The following NOL4 variants were observed in gnomAD, a reference collection of about 807,000 sequenced individuals.
NOL4 encodes the protein cancer/testis antigen 125.
Under a neutral mutation model 75.9 loss-of-function variants are expected in NOL4, and 17 were observed. The ratio of observed to expected loss-of-function variants is 0.22; its 90% CI spans 0.15 to 0.34. The LOEUF (loss-of-function observed/expected upper bound fraction) is 0.34. Ranked by LOEUF, NOL4 falls within the 10% of genes least tolerant of loss-of-function variation. NOL4 has a pLI of 1.00. For synonymous variants in NOL4, 292 were observed against 289.9 expected (o/e 1.01, Z -0.07); for missense variants, 614 against 793.5 (o/e 0.77, Z 2.72).
At chr18:34,177,500 T>A (rs932959952) in intron 1 of NOL4, among the ~76,000 whole-genome samples, 3 of 151,964 alleles carry the variant, frequency 2.0e-5, no homozygotes, top group African/African-American at 7.2e-5. Flanking sequence ...CTGATATGGT[T>A]TAGCATGAAA....
At chr18:34,128,706 G>C (rs1299717316) in intron 2 of NOL4, 1 of 176,818 alleles carries the variant, frequency 5.7e-6, no homozygotes, top group African/African-American at 2.4e-5. Context: ...CAAAACCATA[G>C]AGGAGGAGGG....
intron 6 of NOL4, among the ~76,000 whole-genome samples, chr18:33,999,973 T>G (rs2073579026): frequency 6.6e-6 from 1 of 152,022 alleles, no homozygotes; most frequent in African/African-American, 2.4e-5. Context: ...AATTGATAAT[T>G]TTTCCTTCTG....
chr18:34,020,535 A>C (rs1220300535), intron 5 of NOL4, among the ~76,000 whole-genome samples: 1 of 152,214 alleles, frequency 6.6e-6, no homozygotes, highest in Non-Finnish European at 1.5e-5. Context: ...CATTGTGTGT[A>C]TCTCTTTGTA....
At chr18:33,988,812 G>T (rs2072686909) in intron 6 of NOL4, among the ~76,000 whole-genome samples, 1 of 151,788 alleles carries the variant, frequency 6.6e-6, no homozygotes, top group African/African-American at 2.4e-5. Context: ...GGCCTTGAAA[G>T]CCTCTATATT....
At chr18:34,046,572 C>A (rs2076372770) in intron 5 of NOL4, among the ~76,000 whole-genome samples, 1 of 132,230 alleles carries the variant, frequency 7.6e-6, no homozygotes, top group South Asian at 2.4e-4. Flanking sequence ...TTGGCTAAGT[C>A]CCTGACCATT....
chr18:34,157,425 G>C (rs2030624684), intron 1 of NOL4, among the ~76,000 whole-genome samples: 1 of 152,084 alleles, frequency 6.6e-6, no homozygotes, highest in Non-Finnish European at 1.5e-5. Flanking sequence ...TAGGAAAATA[G>C]TTCAGTGAGT....
intron 1 of NOL4, among the ~76,000 whole-genome samples, chr18:34,210,067 C>T (rs2036410691): frequency 1.3e-5 from 2 of 152,232 alleles, no homozygotes; most frequent in South Asian, 4.1e-4. Context: ...GCTGTTCAGT[C>T]ACAAGAAGTT....
intron 1 of NOL4, among the ~76,000 whole-genome samples, chr18:34,164,759 A>C (rs2032080611): frequency 6.6e-6 from 1 of 151,898 alleles, no homozygotes; most frequent in African/African-American, 2.4e-5. Context: ...CCAAAGGACT[A>C]TAAATCATGC....
chr18:33,981,281 C>A (rs888010518), intron 6 of NOL4, among the ~76,000 whole-genome samples: 2 of 139,750 alleles, frequency 1.4e-5, no homozygotes, highest in Non-Finnish European at 3.2e-5. Flanking sequence ...ATCTTTGAAG[C>A]AATGACTGAA....
intron 5 of NOL4, among the ~76,000 whole-genome samples, chr18:34,056,312 A>G (rs904217205): frequency 3.3e-5 from 5 of 152,102 alleles, no homozygotes; most frequent in Non-Finnish European, 5.9e-5. Flanking sequence ...GAGCCTAGCT[A>G]TATGTTTGGG....
At chr18:33,993,453 TAAAC>T (rs1167601574) in intron 6 of NOL4, among the ~76,000 whole-genome samples, 2 of 151,656 alleles carry the variant, frequency 1.3e-5, no homozygotes, top group Non-Finnish European at 2.9e-5. Context: ...ACTAACCAAA[TAAAC>T]AAGCAAATAA....
intron 5 of NOL4, among the ~76,000 whole-genome samples, chr18:34,043,419 T>C (rs183154175): frequency 1.9e-3 from 286 of 152,128 alleles, no homozygotes; most frequent in Admixed American, 4.7e-3. Flanking sequence ...CTATGACCAA[T>C]AATCTGCTTA....
chr18:33,990,319 T>G (rs1468917016), intron 6 of NOL4, among the ~76,000 whole-genome samples: 1 of 152,078 alleles, frequency 6.6e-6, no homozygotes, highest in Non-Finnish European at 1.5e-5. Context: ...CCTATTATGC[T>G]GTATATCTTT....
At chr18:34,165,587 A>G (rs921220962) in intron 1 of NOL4, among the ~76,000 whole-genome samples, 1 of 152,168 alleles carries the variant, frequency 6.6e-6, no homozygotes, top group African/African-American at 2.4e-5. Flanking sequence ...TAAATTACAG[A>G]GAGTAACAAA....
At position 33,976,346 on chromosome 18, in the gene NOL4, T is replaced by G. The variant is rs557798411; in HGVS notation, c.1057-17928A>C. Among the ~76,000 whole-genome samples the G allele has an allele frequency of 9.2e-4, 140 of 151,990 alleles. 1 individual carries two copies. The highest frequency in any genetic ancestry group is 3.3e-3 in the African/African-American group (137 of 41,422). ...AAAAGCAATGCATTTTATTTGAAGC[T>G]ATTACATACTTCCTTGTAAAAGAAT... On this transcript the variant is annotated intron_variant, in intron 6 of 10. Transcript: ENST00000261592.
intron 5 of NOL4, among the ~76,000 whole-genome samples, chr18:34,044,515 A>G (rs911842843): frequency 6.6e-6 from 1 of 152,218 alleles, no homozygotes; most frequent in East Asian, 1.9e-4. Flanking sequence ...GAAGCTGTAT[A>G]CTTTAAATGA....
intron 2 of NOL4, among the ~76,000 whole-genome samples, chr18:34,106,237 G>A (rs1055790231): frequency 2.6e-5 from 4 of 152,044 alleles, no homozygotes; most frequent in Non-Finnish European, 2.9e-5. Flanking sequence ...ATGGGTGCTA[G>A]TTCTCTTAGT....
At chr18:34,055,673 T>C (rs2076805389) in intron 5 of NOL4, among the ~76,000 whole-genome samples, 2 of 152,164 alleles carry the variant, frequency 1.3e-5, no homozygotes, top group Middle Eastern at 3.2e-3. Flanking sequence ...TTGTCATTAT[T>C]TCTTCAAATA....
chr18:34,209,194 C>CAAAAAA (rs777403436), intron 1 of NOL4, among the ~76,000 whole-genome samples: 5 of 56,436 alleles, frequency 8.9e-5, no homozygotes, highest in African/African-American at 2.2e-4. Flanking sequence ...ACTCTGTCTC[C>CAAAAAA]AAAAAAAAAA....
Sources: allele counts gnomAD v4.1 joint callset (sites outside exome capture counted in the v4.1 genomes callset), GRCh38; gene constraint gnomAD v4.1.1; transcripts MANE v1.5; gene names NCBI Gene and HGNC (gene_info 2026-07-23, HGNC 2026-07-21).